FMN2: variants seen among roughly 807,000 people sequenced by gnomAD.
The protein encoded by FMN2 is formin 2.
Under a neutral mutation model 142.3 loss-of-function variants are expected in FMN2, and 51 were observed. The ratio of observed to expected loss-of-function variants is 0.36; its 90% CI spans 0.29 to 0.45. The LOEUF (loss-of-function observed/expected upper bound fraction) is 0.45. FMN2 is among the 20% of genes least tolerant of loss of function. The probability of loss-of-function intolerance (pLI) is 1.00; values close to 1 mark genes in which losing one functional copy is unlikely to be tolerated. For missense variants in FMN2, 1,936 were observed against 2,122.8 expected, an observed-to-expected ratio of 0.91 and a Z score of 1.73; for synonymous variants, 882 against 869.8, an observed-to-expected ratio of 1.01 and a Z score of -0.25.
chr1:240,374,305 G>C (rs1353917049), intron 14 of FMN2, among the ~76,000 whole-genome samples: 1 of 152,162 alleles, frequency 6.6e-6, no homozygotes, highest in African/African-American at 2.4e-5. Flanking sequence ...GTCACCAGCT[G>C]CATTAGCCCC....
chr1:240,449,142 C>CA (rs35957230), intron 16 of FMN2, among the ~76,000 whole-genome samples: 11,259 of 137,380 alleles, frequency 0.082, 525 homozygotes, highest in Non-Finnish European at 0.12. Flanking sequence ...GACCCTGTCT[C>CA]AAAAAAAAAA....
chr1:240,188,948 G>A (rs1430562578), intron 4 of FMN2, among the ~76,000 whole-genome samples: 3 of 152,036 alleles, frequency 2.0e-5, no homozygotes, highest in Admixed American at 6.5e-5. Context: ...ATTAGATCTC[G>A]TGAGACCCAT....
At chr1:240,372,193 G>A (rs973260152) in intron 14 of FMN2, among the ~76,000 whole-genome samples, 1 of 152,150 alleles carries the variant, frequency 6.6e-6, no homozygotes, top group Non-Finnish European at 1.5e-5. Flanking sequence ...CCGAGATCAC[G>A]TCATTGCACT....
intron 13 of FMN2, among the ~76,000 whole-genome samples, chr1:240,354,122 T>C (rs1672190276): frequency 6.6e-6 from 1 of 152,140 alleles, no homozygotes; most frequent in East Asian, 1.9e-4. Flanking sequence ...AGTTTCAGGT[T>C]AAGCGGTTGG....
chr1:240,247,447 A>T (rs1668118642), intron 6 of FMN2, among the ~76,000 whole-genome samples: 1 of 151,484 alleles, frequency 6.6e-6, no homozygotes, highest in South Asian at 2.1e-4. Flanking sequence ...GATTGCAGTG[A>T]GCTGAGATCG....
At chr1:240,138,169 A>G (rs754555237) in intron 2 of FMN2, among the ~76,000 whole-genome samples, 3 of 151,822 alleles carry the variant, frequency 2.0e-5, no homozygotes, top group Non-Finnish European at 4.4e-5. Flanking sequence ...AGTGAACCCT[A>G]TTCTCAGGAG....
At position 240,208,490 on chromosome 1, in the gene FMN2, T is replaced by A. The variant is rs757893209; in HGVS notation, c.3678T>A (p.Pro1226=). 5.0e-6 allele frequency: 8 copies of A among 1,607,446 alleles called. No individual in the cohort carries two copies. Among genetic ancestry groups the A allele is most frequent in the Non-Finnish European group, 5.9e-6 (7 of 1,177,788 alleles). The change falls in exon 5 of 18, where the codon CCT becomes CCA. Residue 1226 remains proline, a synonymous_variant. Coordinates refer to ENST00000319653, the MANE Select transcript of FMN2 (RefSeq NM_020066.5). ...CACCTGCTCCAGCTCCCCCACTCCC[T>A]CCACCTGGGACAGGAATCCCACCGC... ...GIPPAPAPPL[P]PPGTGIPPPP...
intron 2 of FMN2, among the ~76,000 whole-genome samples, chr1:240,156,582 T>C (rs533850968): frequency 6.6e-6 from 1 of 152,310 alleles, no homozygotes; most frequent in South Asian, 2.1e-4. Context: ...GTGCACTTGC[T>C]TCACAAGAGG....
intron 7 of FMN2, among the ~76,000 whole-genome samples, chr1:240,266,614 G>A (rs964351682): frequency 1.3e-5 from 2 of 152,044 alleles, no homozygotes; most frequent in African/African-American, 4.8e-5. Flanking sequence ...GGCCACCATT[G>A]ATGCACACCT....
chr1:240,184,971 T>TA, intron 3 of FMN2, among the ~76,000 whole-genome samples: 1 of 146,672 alleles, frequency 6.8e-6, no homozygotes, highest in African/African-American at 2.6e-5. Context: ...CTCCCTCCTA[T>TA]ACCTTCCCCT....
At chr1:240,159,846 A>C (rs959262688) in intron 2 of FMN2, among the ~76,000 whole-genome samples, 8 of 148,910 alleles carry the variant, frequency 5.4e-5, no homozygotes, top group Non-Finnish European at 1.2e-4. Flanking sequence ...TAGATTTTCA[A>C]TCCCTCTTGG....
At chr1:240,232,830 T>G (rs375574101) in intron 6 of FMN2, among the ~76,000 whole-genome samples, 3 of 152,236 alleles carry the variant, frequency 2.0e-5, no homozygotes, top group East Asian at 3.9e-4. Context: ...TACTATACAT[T>G]TTTTTTCCCC....
At chr1:240,412,480 C>G (rs569160530) in intron 15 of FMN2, among the ~76,000 whole-genome samples, 2 of 152,202 alleles carry the variant, frequency 1.3e-5, no homozygotes, top group East Asian at 3.9e-4. Flanking sequence ...GGTTGCTACA[C>G]ATGAAGATCC....
At chr1:240,264,098 T>C (rs1450254902) in intron 7 of FMN2, among the ~76,000 whole-genome samples, 1 of 152,220 alleles carries the variant, frequency 6.6e-6, no homozygotes, top group African/African-American at 2.4e-5. Context: ...AAACAGTTTA[T>C]TTAAATTATA....
At chr1:240,219,001 C>T (rs1667008891) in intron 6 of FMN2, among the ~76,000 whole-genome samples, 1 of 151,872 alleles carries the variant, frequency 6.6e-6, no homozygotes, top group South Asian at 2.1e-4. Flanking sequence ...TTGAAATGGG[C>T]CTTGAAGAAT....
intron 8 of FMN2, among the ~76,000 whole-genome samples, chr1:240,318,098 T>C (rs1372113542): frequency 6.6e-6 from 1 of 152,238 alleles, no homozygotes; most frequent in African/African-American, 2.4e-5. Flanking sequence ...GTTGCTCATT[T>C]GCGCCACCTC....
intron 6 of FMN2, among the ~76,000 whole-genome samples, chr1:240,224,664 C>T (rs1294337237): frequency 6.6e-6 from 1 of 152,084 alleles, no homozygotes. Flanking sequence ...CTTACTGAAA[C>T]ACCAGGGGTT....
intron 7 of FMN2, among the ~76,000 whole-genome samples, chr1:240,264,105 T>G (rs1289693930): frequency 6.6e-6 from 1 of 152,170 alleles, no homozygotes; most frequent in Non-Finnish European, 1.5e-5. Context: ...TTATTTAAAT[T>G]ATATAGTTAA....
At chr1:240,384,377 C>T (rs1023369135) in intron 14 of FMN2, among the ~76,000 whole-genome samples, 14 of 152,122 alleles carry the variant, frequency 9.2e-5, no homozygotes, top group Non-Finnish European at 1.5e-5. Context: ...TTTGCTTTGC[C>T]TGTTGTATGA....
Sources: allele counts gnomAD v4.1 joint callset (sites outside exome capture counted in the v4.1 genomes callset), GRCh38; gene constraint gnomAD v4.1.1; transcripts MANE v1.5; gene names NCBI Gene and HGNC (gene_info 2026-07-23, HGNC 2026-07-21).